The following FAHD1 variants were observed in gnomAD, a reference collection of about 807,000 sequenced individuals.
The protein encoded by FAHD1 is FAH domain containing oxaloacetate decarboxylase 1.
FAHD1 carries 14 observed loss-of-function variants against 12.7 expected under a neutral mutation model. The observed-to-expected ratio is 1.10, with a 90% confidence interval of 0.73 to 1.72. The LOEUF is 1.72. Among genes scored for constraint, FAHD1 ranks in the 40% most tolerant of loss-of-function variants. FAHD1 has a pLI of 0.00. For missense variants in FAHD1, 351 were observed against 298.9 expected, an observed-to-expected ratio of 1.17 and a Z score of -1.29; for synonymous variants, 153 against 124.9, an observed-to-expected ratio of 1.22 and a Z score of -1.50.
chr16:1,828,199 T>C (rs1004087857), exon 1 of FAHD1: 6 of 879,884 alleles, frequency 6.8e-6, no homozygotes, highest in Non-Finnish European at 8.7e-6. Flanking sequence ...GAGAATCAAT[T>C]GAACCCGGGA....
exon 1 of FAHD1, chr16:1,828,848 G>T (rs1898568484): frequency 1.0e-6 from 1 of 999,524 alleles, no homozygotes; most frequent in Non-Finnish European, 1.2e-6. Context: ...CAGACCCATC[G>T]ATTCTGAGTT....
chr16:1,839,312 G>T, exon 3 of FAHD1: 1 of 1,614,148 alleles, frequency 6.2e-7, no homozygotes, highest in Non-Finnish European at 8.5e-7. Context: ...AATGAAGGGT[G>T]CCTGTGTGAT....
chr16:1,839,185 C>A, intron 2 of FAHD1: 1 of 1,449,358 alleles, frequency 6.9e-7, no homozygotes, highest in Non-Finnish European at 9.1e-7. Flanking sequence ...GACAAAACAA[C>A]CTATATTTTT....
At chr16:1,837,395 G>A (rs904928908) in intron 1 of FAHD1, among the ~76,000 whole-genome samples, 7 of 152,138 alleles carry the variant, frequency 4.6e-5, no homozygotes, top group Non-Finnish European at 8.8e-5. Flanking sequence ...GGCCAAGAGA[G>A]GGGTCTCACT....
downstream of FAHD1, among the ~76,000 whole-genome samples, chr16:1,833,640 C>A (rs1241740769): frequency 6.8e-6 from 1 of 146,594 alleles, no homozygotes; most frequent in Non-Finnish European, 1.5e-5. Flanking sequence ...CAGCTCACTA[C>A]AACCTCCTCA....
downstream of FAHD1, chr16:1,828,929 T>A: frequency 2.0e-6 from 2 of 999,780 alleles, no homozygotes; most frequent in Non-Finnish European, 2.4e-6. Flanking sequence ...CAAGGGTAAT[T>A]TTTTTCCCCC....
chr16:1,833,554 CT>C (rs769668788), downstream of FAHD1, among the ~76,000 whole-genome samples: 1,870 of 114,278 alleles, frequency 0.016, 31 homozygotes, highest in African/African-American at 0.035. Flanking sequence ...TTTAGAGGTA[CT>C]TTTTTTTTTT....
downstream of FAHD1, among the ~76,000 whole-genome samples, chr16:1,829,182 G>A (rs1276620846): frequency 1.3e-5 from 2 of 152,178 alleles, no homozygotes; most frequent in African/African-American, 2.4e-5. Flanking sequence ...GCCTGGAGGA[G>A]TCCTTTGGGC....
downstream of FAHD1, among the ~76,000 whole-genome samples, chr16:1,832,175 A>ATTTTTT (rs1567269584): frequency 7.1e-4 from 6 of 8,474 alleles, no homozygotes; most frequent in South Asian, 4.7e-3. Context: ...GGCTATGGTC[A>ATTTTTT]TTCTTTTTTT....
downstream of FAHD1, among the ~76,000 whole-genome samples, chr16:1,831,749 G>A (rs1898624259): frequency 6.6e-6 from 1 of 152,120 alleles, no homozygotes; most frequent in South Asian, 2.1e-4. Context: ...CCCGAGTTCT[G>A]CTTCCCGTCA....
rs944644458 is a variant in FAHD1 at position 1,836,459 on chromosome 16, C to T, written c.628-1557C>T. Among the ~76,000 whole-genome samples the T allele has an allele frequency of 6.6e-5, 10 of 152,136 alleles. No homozygotes were observed. In the East Asian group the frequency reaches 1.9e-3, roughly 29 times the overall value. ...TGTCTGGAGGGAAAGTATACAGGGTCGGTCAAGGACCTAAGCATGCCCTGA... is the reference window on the plus strand; with the variant it reads ...TGTCTGGAGGGAAAGTATACAGGGTTGGTCAAGGACCTAAGCATGCCCTGA... On this transcript the variant is annotated intron_variant, in intron 1 of 2. Transcript: ENST00000382666.
At chr16:1,830,872 C>A (rs1294037597), downstream of FAHD1, among the ~76,000 whole-genome samples, 1 of 151,454 alleles carries the variant, frequency 6.6e-6, no homozygotes, top group African/African-American at 2.4e-5. Context: ...CCTTCCTCCC[C>A]GCCATATATG....
exon 3 of FAHD1, chr16:1,839,802 G>GGT: frequency 6.0e-6 from 1 of 165,476 alleles, no homozygotes; most frequent in Admixed American, 6.2e-5. Context: ...AGGACTGACT[G>GGT]GTGCTGTTGC....
chr16:1,838,571 T>C (rs1898810984), intron 2 of FAHD1, among the ~76,000 whole-genome samples: 1 of 152,120 alleles, frequency 6.6e-6, no homozygotes, highest in East Asian at 1.9e-4. Flanking sequence ...TGTAACTGAG[T>C]AGGTGAAACA....
chr16:1,838,101 A>G (rs912115051), exon 2 of FAHD1: 9 of 683,358 alleles, frequency 1.3e-5, no homozygotes, highest in Admixed American at 5.6e-5. Flanking sequence ...GGGTCAAGCA[A>G]TCCTCCCTCA....
exon 1 of FAHD1, chr16:1,827,691 C>G: frequency 6.2e-7 from 1 of 1,614,106 alleles, no homozygotes; most frequent in Non-Finnish European, 8.5e-7. Context: ...AGGTCAACGG[C>G]GAACTCAGAC....
exon 3 of FAHD1, chr16:1,840,087 A>G (rs571872819): frequency 6.6e-6 from 1 of 152,308 alleles, no homozygotes; most frequent in African/African-American, 2.4e-5. Flanking sequence ...ACTAATTCAA[A>G]TTTCTCAAAT....
chr16:1,827,228 T>A (rs757392213), exon 1 of FAHD1: 3 of 1,597,330 alleles, frequency 1.9e-6, no homozygotes, highest in Middle Eastern at 1.7e-4. Context: ...CAGGGGCACT[T>A]GATGGGAATC....
downstream of FAHD1, among the ~76,000 whole-genome samples, chr16:1,830,038 T>G (rs1898593854): frequency 6.6e-6 from 1 of 152,200 alleles, no homozygotes; most frequent in African/African-American, 2.4e-5. Context: ...TAATTTTGTA[T>G]TTTTAGTAGA....
Sources: gnomAD v4.1 joint callset for allele counts (sites outside exome capture counted in the v4.1 genomes callset) on GRCh38, gnomAD v4.1.1 for gene constraint, MANE v1.5 for transcripts, NCBI Gene and HGNC (gene_info 2026-07-23, HGNC 2026-07-21) for gene names.